ADGRE2: variants seen among roughly 807,000 people sequenced by gnomAD.
The protein encoded by ADGRE2 is CD97 antigen.
A neutral mutation model predicts 100.8 loss-of-function variants in ADGRE2; 83 were observed. That is an observed-to-expected ratio of 0.82 (90% confidence interval 0.69 to 0.99). The LOEUF (loss-of-function observed/expected upper bound fraction) is 0.99, where lower values mean the gene tolerates loss of function less well. Among genes scored for constraint, ADGRE2 ranks in the 50% least tolerant of loss-of-function variants. ADGRE2 has a pLI of 0.00. For missense variants in ADGRE2, 814 were observed against 1,035.7 expected (o/e 0.79, Z 2.94); for synonymous variants, 355 against 413.0 (o/e 0.86, Z 1.70).
downstream of ADGRE2, among the ~76,000 whole-genome samples, chr19:14,728,861 G>C (rs1568567265): frequency 6.6e-6 from 1 of 152,212 alleles, no homozygotes; most frequent in Non-Finnish European, 1.5e-5. Context: ...AAGGAGGCCA[G>C]GGGGGTTTTA....
intron 18 of ADGRE2, among the ~76,000 whole-genome samples, chr19:14,744,361 T>A (rs1426363598): frequency 6.6e-6 from 1 of 152,218 alleles, no homozygotes; most frequent in South Asian, 2.1e-4. Context: ...TTGGAAAGGA[T>A]AATGATAGGA....
intron 6 of ADGRE2, 98 bp from the exon 7 acceptor site, chr19:14,766,479 C>T: frequency 7.1e-7 from 1 of 1,400,388 alleles, no homozygotes; most frequent in Non-Finnish European, 9.7e-7. Context: ...TTGCCTCAGA[C>T]TGAAGACCAT....
the ADGRE2 span, among the ~76,000 whole-genome samples, chr19:14,727,161 G>A: frequency 6.6e-6 from 1 of 151,318 alleles, no homozygotes; most frequent in Non-Finnish European, 1.5e-5. Flanking sequence ...CTGAGCAGCT[G>A]GGACTACAGG....
intron 14 of ADGRE2, among the ~76,000 whole-genome samples, chr19:14,753,289 AG>A (rs1048713329): frequency 3.3e-5 from 5 of 151,424 alleles, no homozygotes; most frequent in Admixed American, 3.3e-4. Flanking sequence ...AGACTTGTGG[AG>A]GGGGGAGCTA....
intron 11 of ADGRE2, among the ~76,000 whole-genome samples, chr19:14,758,608 G>A (rs536503100): frequency 6.6e-6 from 1 of 152,328 alleles, no homozygotes; most frequent in East Asian, 1.9e-4. Flanking sequence ...GCTCTGGCTG[G>A]GCGCAGTGGC....
chr19:14,727,823 G>A (rs1316610194), downstream of ADGRE2, among the ~76,000 whole-genome samples: 1 of 152,166 alleles, frequency 6.6e-6, no homozygotes, highest in Non-Finnish European at 1.5e-5. Context: ...GCCCACAATG[G>A]TGGAAAATCA....
chr19:14,769,044 G>A (rs796426513), intron 5 of ADGRE2: 4 of 152,336 alleles, frequency 2.6e-5, no homozygotes, highest in African/African-American at 7.2e-5. Flanking sequence ...AATGCACCAC[G>A]CAGTGAGCTC....
chr19:14,731,137 C>A, downstream of ADGRE2: 1 of 1,528,912 alleles, frequency 6.5e-7, no homozygotes, highest in South Asian at 1.2e-5. Context: ...TTTCTCTTCT[C>A]TTTCCCTCAT....
Position 14,750,541 on chromosome 19 carries a change from C to T in ADGRE2, c.2024+895G>A, listed in dbSNP as rs540098498. Among the ~76,000 whole-genome samples the T allele has an allele frequency of 6.6e-5, 10 of 151,488 alleles. No individual in the cohort carries two copies. The East Asian group carries it at 1.9e-3, about 29-fold the overall frequency. On this transcript the variant is annotated intron_variant, in intron 16 of 20. Transcript: ENST00000315576. ...TGTCTGCTGTTCTAGTCAACAGTGT[C>T]CTGGAGGTTTCAACCAGTGCAATTG... is the stretch of plus-strand genomic sequence containing the variant.
chr19:14,774,585 T>C (rs2044348904), intron 2 of ADGRE2, among the ~76,000 whole-genome samples: 2 of 151,436 alleles, frequency 1.3e-5, no homozygotes, highest in African/African-American at 4.8e-5. Context: ...TATAGCTCAC[T>C]GCAGCCTCCA....
At position 14,746,904 on chromosome 19, in the gene ADGRE2, T is replaced by C; in HGVS notation, c.2083A>G (p.Ile695Val). 3.1e-6 allele frequency: 5 copies of C among 1,613,722 alleles called. No individual in the cohort carries two copies. The highest frequency in any genetic ancestry group is 4.2e-6 in the Non-Finnish European group (5 of 1,179,898). Residue 695 changes from isoleucine to valine, a missense_variant, in exon 17 of 21, where the codon ATC becomes GTC. Ile to Val is a conservative substitution (Grantham distance 29, BLOSUM62 3). Coordinates refer to ENST00000315576, the MANE Select transcript of ADGRE2 (RefSeq NM_013447.4). ...IWGFLGPVCA[I>V]FSVNLVLFLV... ...CAGATGATGTCACTCACAGAGAAGA[T>C]GGCGCAGACAGGTCCAAGGAAGCCC...
intron 20 of ADGRE2, among the ~76,000 whole-genome samples, chr19:14,737,698 A>G (rs1010040716): frequency 1.3e-5 from 2 of 152,088 alleles, no homozygotes; most frequent in Non-Finnish European, 2.9e-5. Flanking sequence ...GTGGTGACTC[A>G]CACCTGTAAT....
chr19:14,774,688 T>TTCTTTCTTTCTTTCTTTC (rs1170643048), intron 2 of ADGRE2, among the ~76,000 whole-genome samples: 1 of 138,004 alleles, frequency 7.2e-6, no homozygotes, highest in African/African-American at 2.6e-5. Context: ...CTTTCTTTCT[T>TTCTTTCTTTCTTTCTTTC]TTTGAGACAG....
At chr19:14,747,425 A>G (rs1252315799) in intron 16 of ADGRE2, among the ~76,000 whole-genome samples, 1 of 152,154 alleles carries the variant, frequency 6.6e-6, no homozygotes, top group Non-Finnish European at 1.5e-5. Flanking sequence ...GCTTGAGTCC[A>G]GGAGGTCGAG....
intron 14 of ADGRE2, 85 bp downstream of exon 14, chr19:14,754,869 T>G: frequency 1.4e-6 from 2 of 1,436,702 alleles, no homozygotes; most frequent in Non-Finnish European, 1.9e-6. Flanking sequence ...AGATAATGCA[T>G]ATATTTTTTT....
rs182815543 is a variant in ADGRE2, at chr19:14,767,731, G to C, written c.356-622C>G. 2.2e-3 allele frequency among the ~76,000 whole-genome samples: 342 copies of C among 152,328 alleles called. 3 individuals carry two copies. The highest frequency in any genetic ancestry group is 7.9e-3 in the African/African-American group (328 of 41,578). On this transcript the variant is annotated intron_variant, in intron 5 of 20. Coordinates refer to ENST00000315576, the MANE Select transcript of ADGRE2 (RefSeq NM_013447.4). Reference sequence around the variant, plus strand: ...CAAAGGTCAGGGTGGGATTTTCTTGGGACCAAGTGCAGGGGGCATGCTGCT... The same window carrying C: ...CAAAGGTCAGGGTGGGATTTTCTTGCGACCAAGTGCAGGGGGCATGCTGCT...
chr19:14,745,820 C>T (rs1025106824), intron 18 of ADGRE2, among the ~76,000 whole-genome samples: 2 of 152,134 alleles, frequency 1.3e-5, no homozygotes, highest in South Asian at 4.1e-4. Flanking sequence ...TCTTCGGCTC[C>T]TCTCTATGTA....
chr19:14,729,012 C>T (rs575562880), downstream of ADGRE2, among the ~76,000 whole-genome samples: 14 of 152,162 alleles, frequency 9.2e-5, no homozygotes, highest in South Asian at 6.3e-4. Context: ...AATGGTGGGA[C>T]GTGCAGTTTT....
At chr19:14,767,324 C>T (rs1350580210) in intron 5 of ADGRE2, among the ~76,000 whole-genome samples, 2 of 151,758 alleles carry the variant, frequency 1.3e-5, no homozygotes, top group Admixed American at 6.6e-5. Context: ...CTGCAACCTC[C>T]GCCTCCCGGG....
Sources: allele counts gnomAD v4.1 joint callset (sites outside exome capture counted in the v4.1 genomes callset), GRCh38; gene constraint gnomAD v4.1.1; transcripts MANE v1.5; gene names NCBI Gene and HGNC (gene_info 2026-07-23, HGNC 2026-07-21).